Variants in NEGR1 observed in about 807,000 individuals in gnomAD.
The protein encoded by NEGR1 is neuronal growth regulator 1.
A neutral mutation model predicts 40.9 loss-of-function variants in NEGR1; 10 were observed. The ratio of observed to expected loss-of-function variants is 0.24; its 90% CI spans 0.15 to 0.42. The LOEUF (loss-of-function observed/expected upper bound fraction) is 0.42, where lower values mean the gene tolerates loss of function less well. NEGR1 is among the 10% of genes least tolerant of loss of function. NEGR1 has a pLI of 1.00. For synonymous variants in NEGR1, 185 were observed against 166.8 expected (o/e 1.11, Z -0.84); for missense variants, 352 against 438.9 (o/e 0.80, Z 1.77).
chr1:71,858,923 C>T (rs1272264186), intron 2 of NEGR1, among the ~76,000 whole-genome samples: 2 of 151,992 alleles, frequency 1.3e-5, no homozygotes, highest in South Asian at 2.1e-4. Context: ...CTCCTATTTT[C>T]CAAGTCCCCA....
At position 72,282,441 on chromosome 1, in the gene NEGR1, C is replaced by A. The variant is rs1247355545; in HGVS notation, c.54G>T (p.Ala18=). 1 of 1,613,710 alleles carries A rather than the reference C, an allele frequency of 6.2e-7. No homozygotes were observed. Residue 18 remains alanine, a synonymous_variant, in exon 1 of 7, where the codon GCG becomes GCT. Coordinates refer to ENST00000357731, the MANE Select transcript of NEGR1 (RefSeq NM_173808.3). The stretch of plus-strand genomic sequence containing the variant: ...GGCAGCACAGGCTGAGGAGCACCGC[C>A]GCCAGCCACTGGTTCGAGCAACAAG... ...QGACCSNQWL[A]AVLLSLCCLL...
rs1049571041 is a variant in NEGR1, at chr1:71,460,429, T to C, written c.941-52859A>G. Reference sequence around the variant, plus strand: ...TGCAAGTGACTCCCATCTTACATTTTGTACCCTAGGCAGCTACGTTTCTTC... The same window carrying C: ...TGCAAGTGACTCCCATCTTACATTTCGTACCCTAGGCAGCTACGTTTCTTC... On this transcript the variant is annotated intron_variant, in intron 6 of 6. Transcript: ENST00000357731. 3.9e-5 allele frequency among the ~76,000 whole-genome samples: 6 copies of C among 152,202 alleles called. No homozygotes were observed. In the South Asian group the frequency reaches 6.2e-4, roughly 16 times the overall value.
At chr1:71,598,742 G>T (rs1287243510) in intron 5 of NEGR1, among the ~76,000 whole-genome samples, 3 of 152,228 alleles carry the variant, frequency 2.0e-5, no homozygotes, top group African/African-American at 7.2e-5. Context: ...CAAGAATGCA[G>T]TATTTTAGAG....
intron 1 of NEGR1, among the ~76,000 whole-genome samples, chr1:72,100,216 C>A (rs548977409): frequency 6.6e-6 from 1 of 152,060 alleles, no homozygotes; most frequent in African/African-American, 2.4e-5. Context: ...AAAAACAAAT[C>A]AATACTTAAT....
At chr1:72,057,188 T>C (rs1237216417) in intron 1 of NEGR1, among the ~76,000 whole-genome samples, 1 of 151,640 alleles carries the variant, frequency 6.6e-6, no homozygotes, top group African/African-American at 2.4e-5. Flanking sequence ...ATGGATAAAA[T>C]AATTAATTAC....
intron 6 of NEGR1, among the ~76,000 whole-genome samples, chr1:71,521,831 A>G (rs1370761040): frequency 6.6e-6 from 1 of 152,032 alleles, no homozygotes; most frequent in African/African-American, 2.4e-5. Flanking sequence ...GAGAGTCTTC[A>G]GCAGAGAATA....
rs533863999 is a variant in NEGR1, at chr1:71,717,139, C to T, written c.536-19000G>A. Among the ~76,000 whole-genome samples, 23 of 152,230 alleles carry T rather than the reference C, an allele frequency of 1.5e-4. No homozygotes were observed. In the South Asian group the frequency reaches 2.5e-3, roughly 16 times the overall value. The stretch of plus-strand genomic sequence containing the variant: ...AACAGAACCATATGTCATTGGTCTG[C>T]GCCATGTGAAACCCCTATTATGTTA... On this transcript the variant is annotated intron_variant, in intron 3 of 6. Transcript: ENST00000357731.
At chr1:72,142,485 AAGCCAATT>A (rs1425754321) in intron 1 of NEGR1, among the ~76,000 whole-genome samples, 1 of 151,812 alleles carries the variant, frequency 6.6e-6, no homozygotes, top group African/African-American at 2.4e-5. Context: ...GCAACAAGAT[AAGCCAATT>A]ACTAGCCACA....
At chr1:71,855,634 C>G (rs1430378877) in intron 2 of NEGR1, among the ~76,000 whole-genome samples, 1 of 151,632 alleles carries the variant, frequency 6.6e-6, no homozygotes, top group Non-Finnish European at 1.5e-5. Flanking sequence ...GTACAGTAAC[C>G]ATAGCTTTGA....
intron 6 of NEGR1, among the ~76,000 whole-genome samples, chr1:71,587,894 TCAG>T (rs1208573954): frequency 3.4e-4 from 51 of 152,128 alleles, no homozygotes; most frequent in African/African-American, 1.2e-3. Flanking sequence ...ATATTAGGTC[TCAG>T]GAGAGGGTTG....
chr1:71,834,990 G>A (rs1035840260), intron 2 of NEGR1, among the ~76,000 whole-genome samples: 5 of 151,488 alleles, frequency 3.3e-5, no homozygotes, highest in African/African-American at 1.2e-4. Flanking sequence ...TGGAACAGCT[G>A]GGCAGTTCTG....
intron 2 of NEGR1, among the ~76,000 whole-genome samples, chr1:71,868,611 A>T (rs537846586): frequency 6.6e-6 from 1 of 152,122 alleles, no homozygotes; most frequent in Non-Finnish European, 1.5e-5. Flanking sequence ...AACTTTAATT[A>T]CTTCATGGAA....
chr1:71,455,809 A>G (rs1034320414), intron 6 of NEGR1, among the ~76,000 whole-genome samples: 9 of 152,216 alleles, frequency 5.9e-5, no homozygotes, highest in African/African-American at 2.2e-4. Context: ...TTCTTAATTT[A>G]TGATTTATCA....
chr1:71,463,243 G>A (rs1569903171), intron 6 of NEGR1: 1 of 152,224 alleles, frequency 6.6e-6, no homozygotes, highest in East Asian at 1.9e-4. Flanking sequence ...AAAGGAGACT[G>A]GGAAATGCAG....
chr1:71,807,599 T>A (rs1657824223), intron 2 of NEGR1, among the ~76,000 whole-genome samples: 1 of 152,212 alleles, frequency 6.6e-6, no homozygotes. Context: ...GCTCTGATTT[T>A]TTATTTTATT....
At chr1:71,455,227 A>G (rs912601850) in intron 6 of NEGR1, among the ~76,000 whole-genome samples, 1 of 152,194 alleles carries the variant, frequency 6.6e-6, no homozygotes, top group African/African-American at 2.4e-5. Flanking sequence ...TAGTGCTGAG[A>G]TTAAAAAACC....
intron 3 of NEGR1, among the ~76,000 whole-genome samples, chr1:71,729,394 C>A (rs139027295): frequency 7.9e-5 from 12 of 152,258 alleles, no homozygotes; most frequent in African/African-American, 2.9e-4. Context: ...GTCTAGCCAC[C>A]TTATATTATA....
intron 2 of NEGR1, among the ~76,000 whole-genome samples, chr1:71,884,997 G>T (rs1055707067): frequency 1.3e-5 from 2 of 152,152 alleles, no homozygotes; most frequent in African/African-American, 4.8e-5. Context: ...ACCTCAGAAT[G>T]GCTTTGAATC....
intron 1 of NEGR1, among the ~76,000 whole-genome samples, chr1:71,958,558 G>T (rs529715199): frequency 6.6e-6 from 1 of 152,174 alleles, no homozygotes; most frequent in East Asian, 1.9e-4. Flanking sequence ...GATGAGTAAG[G>T]TACTTACTCT....
Sources: gnomAD v4.1 joint callset for allele counts (sites outside exome capture counted in the v4.1 genomes callset) on GRCh38, gnomAD v4.1.1 for gene constraint, MANE v1.5 for transcripts, NCBI Gene and HGNC (gene_info 2026-07-23, HGNC 2026-07-21) for gene names.